ARMC2: variants seen among roughly 807,000 people sequenced by gnomAD.
The protein encoded by ARMC2 is armadillo repeat containing 2, also known as armadillo repeat-containing protein 2.
ARMC2 carries 67 observed loss-of-function variants against 90.3 expected under a neutral mutation model. The observed-to-expected ratio is 0.74, with a 90% CI of 0.61 to 0.91. The LOEUF is 0.91. Among genes scored for constraint, ARMC2 ranks in the 40% least tolerant of loss-of-function variants. The pLI is 0.00. For missense variants in ARMC2, 920 were observed against 1,030.9 expected (o/e 0.89, Z 1.47); for synonymous variants, 393 against 393.0 (o/e 1.00, Z 0.00).
At chr6:109,043,448 C>T in the ARMC2 span, among the ~76,000 whole-genome samples, 6 of 152,128 alleles carry the variant, frequency 3.9e-5, no homozygotes, top group East Asian at 9.7e-4. Flanking sequence ...ATAGATGACA[C>T]AATTATGTAC....
chr6:108,900,306 G>A (rs1055472059), intron 7 of ARMC2, among the ~76,000 whole-genome samples: 1 of 152,184 alleles, frequency 6.6e-6, no homozygotes, highest in African/African-American at 2.4e-5. Flanking sequence ...TCCCACCCTT[G>A]CGCTCTGAAC....
the ARMC2 span, among the ~76,000 whole-genome samples, chr6:108,997,577 C>A: frequency 1.4e-4 from 22 of 152,304 alleles, no homozygotes; most frequent in African/African-American, 5.3e-4. Flanking sequence ...TGGCATTTTA[C>A]TTCTTTAGAG....
chr6:108,988,532 T>C, the ARMC2 span: 14 of 1,594,924 alleles, frequency 8.8e-6, no homozygotes, highest in East Asian at 9.0e-5. Flanking sequence ...TAAGCCACAA[T>C]AGGCACATAC....
the ARMC2 span, among the ~76,000 whole-genome samples, chr6:109,027,698 T>A: frequency 6.6e-6 from 1 of 152,044 alleles, no homozygotes; most frequent in Admixed American, 6.6e-5. Context: ...CCAGGGAGGC[T>A]CCTAACTATC....
intron 10 of ARMC2, among the ~76,000 whole-genome samples, chr6:108,915,119 ATTTT>A (rs1773820494): frequency 1.3e-5 from 2 of 151,376 alleles, no homozygotes; most frequent in South Asian, 4.2e-4. Flanking sequence ...CGCCTGGCTA[ATTTT>A]TTTTGTATTT....
intron 6 of ARMC2, among the ~76,000 whole-genome samples, chr6:108,898,057 A>G (rs1771771101): frequency 6.6e-6 from 1 of 152,310 alleles, no homozygotes; most frequent in Admixed American, 6.5e-5. Flanking sequence ...AGAGATAACC[A>G]TTGTTACCCC....
intron 5 of ARMC2, chr6:108,880,140 G>A (rs1015458118): frequency 3.9e-5 from 14 of 362,078 alleles, no homozygotes; most frequent in Non-Finnish European, 6.4e-5. Context: ...AAATGGCTAC[G>A]ACCCTGAACT....
At chr6:109,041,895 T>C in the ARMC2 span, among the ~76,000 whole-genome samples, 27 of 152,126 alleles carry the variant, frequency 1.8e-4, no homozygotes, top group Non-Finnish European at 2.9e-4. Flanking sequence ...AGAAAATACA[T>C]AGCCTTTTAG....
intron 12 of ARMC2, among the ~76,000 whole-genome samples, chr6:108,951,403 C>T (rs766257678): frequency 2.0e-5 from 3 of 152,160 alleles, no homozygotes; most frequent in African/African-American, 7.2e-5. Context: ...CCTAATTGGA[C>T]GACCACTATG....
the ARMC2 span, among the ~76,000 whole-genome samples, chr6:109,052,906 C>T: frequency 6.6e-6 from 1 of 152,090 alleles, no homozygotes; most frequent in Non-Finnish European, 1.5e-5. Flanking sequence ...GCTGCTACCC[C>T]GTAGAGCTTA....
intron 12 of ARMC2, among the ~76,000 whole-genome samples, chr6:108,937,370 A>G (rs986616227): frequency 6.6e-6 from 1 of 152,132 alleles, no homozygotes; most frequent in Admixed American, 6.5e-5. Flanking sequence ...GTTTCATTCC[A>G]GTCTACTGAG....
In ARMC2 at chr6:108,964,706, AGAGGTTGCAGTGAGTG is replaced by A. The variant is rs1381528273; in HGVS notation, c.2286-265_2286-250del. On this transcript the variant is annotated intron_variant, in intron 16 of 17. Transcript: ENST00000392644. Reference sequence around the variant, plus strand: ...GGAGAATCGCTTGAATCCGGGATACAGAGGTTGCAGTGAGTGGAGGTTGCGGTGAGCCGAGATCGCG... The same window carrying A: ...GGAGAATCGCTTGAATCCGGGATACAGAGGTTGCGGTGAGCCGAGATCGCG... Among the ~76,000 whole-genome samples, 137 of 152,138 alleles carry A rather than the reference AGAGGTTGCAGTGAGTG, an allele frequency of 9.0e-4. 1 individual carries two copies. The highest frequency in any genetic ancestry group is 2.9e-3 in the African/African-American group (119 of 41,526).
At chr6:109,015,975 C>T in the ARMC2 span, among the ~76,000 whole-genome samples, 7 of 152,030 alleles carry the variant, frequency 4.6e-5, no homozygotes, top group South Asian at 2.1e-4. Flanking sequence ...ATTTTAAATA[C>T]GAGGAATTAG....
the ARMC2 span, among the ~76,000 whole-genome samples, chr6:109,008,334 T>C: frequency 6.6e-6 from 1 of 152,320 alleles, no homozygotes; most frequent in South Asian, 2.1e-4. Context: ...TTTCATACTG[T>C]TTTCACTTTT....
At chr6:108,947,416 T>A (rs1424980425) in intron 12 of ARMC2, among the ~76,000 whole-genome samples, 1 of 152,144 alleles carries the variant, frequency 6.6e-6, no homozygotes, top group Non-Finnish European at 1.5e-5. Flanking sequence ...AGTTTCAACA[T>A]CTCTAAATAG....
chr6:109,010,971 T>C, the ARMC2 span, among the ~76,000 whole-genome samples: 3 of 152,192 alleles, frequency 2.0e-5, no homozygotes, highest in African/African-American at 4.8e-5. Flanking sequence ...ACTTGATGTA[T>C]GGGATTGTGA....
chr6:108,869,836 A>T lies in ARMC2; in HGVS notation c.463+841A>T, dbSNP rs1245896787. On this transcript the variant is annotated intron_variant, in intron 4 of 17. Coordinates refer to ENST00000392644, the MANE Select transcript of ARMC2 (RefSeq NM_032131.6). The stretch of plus-strand genomic sequence containing the variant: ...AATCACTCCCCATCCAGGGCATACT[A>T]AGGGTTTCTCAAACTGTGGAAAAGG... Among the ~76,000 whole-genome samples, 5 of 152,164 alleles carry T rather than the reference A, an allele frequency of 3.3e-5. No individual in the cohort carries two copies. The East Asian group carries it at 9.6e-4, about 29-fold the overall frequency.
At chr6:108,925,244 C>A (rs775981528) in intron 10 of ARMC2, among the ~76,000 whole-genome samples, 1 of 151,824 alleles carries the variant, frequency 6.6e-6, no homozygotes, top group Non-Finnish European at 1.5e-5. Flanking sequence ...CCTCTGCTTT[C>A]AAAAAAAATC....
chr6:108,948,536 C>T (rs1249015802), intron 12 of ARMC2, among the ~76,000 whole-genome samples: 3 of 150,672 alleles, frequency 2.0e-5, no homozygotes, highest in Non-Finnish European at 4.4e-5. Flanking sequence ...GCAGACGGCG[C>T]AATCTGCCAT....
Sources: gnomAD v4.1 joint callset for allele counts (sites outside exome capture counted in the v4.1 genomes callset) on GRCh38, gnomAD v4.1.1 for gene constraint, MANE v1.5 for transcripts, NCBI Gene and HGNC (gene_info 2026-07-23, HGNC 2026-07-21) for gene names.